PLB1: variants seen among roughly 807,000 people sequenced by gnomAD.
PLB1 encodes phospholipase B1, also known as phospholipase B1, membrane-associated.
PLB1 carries 242 observed loss-of-function variants against 227.4 expected under a neutral mutation model. The ratio of observed to expected loss-of-function variants is 1.06; its 90% CI spans 0.96 to 1.18. The LOEUF (loss-of-function observed/expected upper bound fraction) is 1.18, where lower values mean the gene tolerates loss of function less well. Ranked by LOEUF, PLB1 falls within the 50% of genes most tolerant of loss-of-function variation. PLB1 has a pLI of 0.00. For synonymous variants in PLB1, 757 were observed against 682.2 expected (o/e 1.11, Z -1.71); for missense variants, 1,858 against 1,816.3 (o/e 1.02, Z -0.42).
Position 28,614,036 on chromosome 2 carries a change from G to A in PLB1, c.3135G>A (p.Glu1045=). Residue 1045 remains glutamate, a synonymous_variant, in exon 44 of 58, where the codon GAG becomes GAA. Transcript: ENST00000327757. ...EMPITCPTQN[E]PFLRTPRNSN... is the part of the protein sequence containing the mutation. ...TGTGTTTTTTTTTCTCTTAGAATGA[G>A]CCCTTCCTGAGAACCCCTCGGAATA... 4 of 1,611,828 alleles carry A rather than the reference G, an allele frequency of 2.5e-6. No individual in the cohort carries two copies. In the Middle Eastern group the frequency reaches 5.0e-4, roughly 200 times the overall value.
intron 52 of PLB1, 151 bp downstream of exon 52, chr2:28,628,779 C>T (rs1460851250): frequency 1.3e-6 from 1 of 795,810 alleles, no homozygotes; most frequent in Non-Finnish European, 2.1e-6. Context: ...TCAAGCTCCT[C>T]TGCAGGGAAA....
rs1203636842 is a variant in PLB1 at position 28,641,062 on chromosome 2, C to T, written c.4173+61C>T. On this transcript the variant is annotated intron_variant, in intron 57 of 57. Coordinates refer to ENST00000327757, the MANE Select transcript of PLB1 (RefSeq NM_153021.5). Reference sequence around the variant, plus strand: ...ATGCCTGGGGTGGGGGTTGTCCTGTCCCCTGGAAGCACAGAGGAGTCCCCG... The same window carrying T: ...ATGCCTGGGGTGGGGGTTGTCCTGTTCCCTGGAAGCACAGAGGAGTCCCCG... The T allele has an allele frequency of 2.1e-5, 31 of 1,511,034 alleles. No individual in the cohort carries two copies. In the Admixed American group the frequency reaches 5.0e-4, roughly 24 times the overall value. The allele number at this position is 1,511,034 out of a possible 1,614,324, so 93.6% of individuals were successfully genotyped here.
intron 17 of PLB1, among the ~76,000 whole-genome samples, chr2:28,561,907 T>C (rs2338441): frequency 0.91 from 138,869 of 152,238 alleles, 63,692 homozygotes; most frequent in East Asian, 0.99. Flanking sequence ...AAAAATAAAA[T>C]GAATGTATTG....
Position 28,591,722 on chromosome 2 carries a change from G to A in PLB1, c.2150G>A (p.Cys717Tyr), listed in dbSNP as rs568655574. The A allele has an allele frequency of 3.1e-6, 5 of 1,613,982 alleles. No individual in the cohort carries two copies. The South Asian group carries it at 5.5e-5, about 18-fold the overall frequency. ...TAGGGTCATGGGACCTGGCTGCCAT[G>A]CAGGGACAGAGCCCCTTCTGCCTTG... is the stretch of plus-strand genomic sequence containing the variant. ...SMQGHGTWLP[C>Y]RDRAPSALHP... is the part of the protein sequence containing the mutation. Residue 717 changes from cysteine to tyrosine, a missense_variant, in exon 31 of 58, where the codon TGC becomes TAC. Physicochemically the swap from Cys to Tyr is radical, Grantham distance 194. Coordinates refer to ENST00000327757, the MANE Select transcript of PLB1 (RefSeq NM_153021.5).
chr2:28,600,766 G>A, intron 35 of PLB1, 43 bp from the exon 36 acceptor site: 1 of 1,596,012 alleles, frequency 6.3e-7, no homozygotes, highest in Non-Finnish European at 8.6e-7. Context: ...AAAACTATGG[G>A]CACTGTTCCT....
At chr2:28,621,106 C>T (rs1686996557) in intron 49 of PLB1, 128 bp downstream of exon 49, 1 of 712,568 alleles carries the variant, frequency 1.4e-6, no homozygotes, top group Non-Finnish European at 2.4e-6. Context: ...GCAGGACTTT[C>T]TATGTGAATT....
At chr2:28,514,058 T>C in intron 1 of PLB1, among the ~76,000 whole-genome samples, 1 of 152,342 alleles carries the variant, frequency 6.6e-6, no homozygotes, top group South Asian at 2.1e-4. Context: ...TAAAACTTAA[T>C]AGTAGAGTGC....
At chr2:28,614,653 G>A (rs1291119612) in intron 44 of PLB1, among the ~76,000 whole-genome samples, 2 of 152,156 alleles carry the variant, frequency 1.3e-5, no homozygotes, top group African/African-American at 4.8e-5. Flanking sequence ...GGAGGACCCC[G>A]GACTATACCA....
chr2:28,574,600 T>C (rs540868573), intron 21 of PLB1, among the ~76,000 whole-genome samples: 1 of 150,304 alleles, frequency 6.7e-6, no homozygotes, highest in African/African-American at 2.5e-5. Flanking sequence ...TTTCACCATG[T>C]TGGCCAGGCT....
rs754571265 is a variant in PLB1, at chr2:28,582,052, C to T, written c.1567-16C>T. The stretch of plus-strand genomic sequence containing the variant: ...GGTGACAAATGGTGTTCAAGGGACA[C>T]TTCCTCTTCCTGCAGGTCCACTATT... On this transcript the variant is annotated splice_polypyrimidine_tract_variant and intron_variant, in intron 23 of 57. Transcript: ENST00000327757. The T allele has an allele frequency of 1.9e-6, 3 of 1,609,532 alleles. No homozygotes were observed. The highest frequency in any genetic ancestry group is 2.6e-6 in the Non-Finnish European group (3 of 1,175,874).
chr2:28,620,369 C>T (rs374728347), intron 47 of PLB1, 37 bp downstream of exon 47: 2 of 1,543,576 alleles, frequency 1.3e-6, no homozygotes, highest in Non-Finnish European at 1.8e-6. Flanking sequence ...ATTGATGATG[C>T]TCTCTCAGAG....
chr2:28,590,198 G>A lies in PLB1; in HGVS notation c.2088+122G>A, dbSNP rs979859790. The A allele has an allele frequency of 1.3e-5, 11 of 845,968 alleles. No individual in the cohort carries two copies. In the Admixed American group the frequency reaches 1.6e-4, roughly 12 times the overall value. The allele number at this position is 845,968 out of a possible 1,614,324, so 52.4% of individuals were successfully genotyped here. ...CACCCACCCCATTTTATACTCCAGGGTTAACTGCCCCAAATGCCCCATCTG... is the reference window on the plus strand; with the variant it reads ...CACCCACCCCATTTTATACTCCAGGATTAACTGCCCCAAATGCCCCATCTG... On this transcript the variant is annotated intron_variant, in intron 29 of 57. Coordinates refer to ENST00000327757, the MANE Select transcript of PLB1 (RefSeq NM_153021.5).
intron 4 of PLB1, 43 bp downstream of exon 4, chr2:28,519,806 A>C (rs1669277725): frequency 6.6e-7 from 1 of 1,523,358 alleles, no homozygotes; most frequent in South Asian, 1.1e-5. Context: ...AGAGTTTGGT[A>C]CTGATGATCC....
chr2:28,629,295 G>A (rs1415386348), intron 53 of PLB1, 110 bp downstream of exon 53: 17 of 908,770 alleles, frequency 1.9e-5, no homozygotes, highest in Non-Finnish European at 2.7e-5. Context: ...CTGCCAGAGG[G>A]TAGACATGGC....
chr2:28,559,044 TACAG>T (rs1367912903), intron 17 of PLB1, among the ~76,000 whole-genome samples: 3 of 152,240 alleles, frequency 2.0e-5, no homozygotes, highest in South Asian at 2.1e-4. Flanking sequence ...TTTAATTTTT[TACAG>T]ACAGTCTCAC....
At chr2:28,628,509 A>G in intron 51 of PLB1, 54 bp from the exon 52 acceptor site, 1 of 1,534,262 alleles carries the variant, frequency 6.5e-7, no homozygotes, top group Non-Finnish European at 9.0e-7. Context: ...TGCTCTTGCC[A>G]TTCTCTCAGA....
chr2:28,516,897 G>A (rs771947451), intron 2 of PLB1, 28 bp downstream of exon 2: 48 of 1,605,168 alleles, frequency 3.0e-5, no homozygotes, highest in Middle Eastern at 3.3e-4. Context: ...TGGGAGGTGC[G>A]TGTGTATGGA....
At chr2:28,582,359 G>A in intron 24 of PLB1, 46 bp from the exon 25 acceptor site, 4 of 1,554,614 alleles carry the variant, frequency 2.6e-6, no homozygotes, top group Non-Finnish European at 8.8e-7. Context: ...GAGGTGAAAG[G>A]CTGCCCAGCC....
intron 20 of PLB1, among the ~76,000 whole-genome samples, chr2:28,572,075 A>G (rs1678108770): frequency 6.6e-6 from 1 of 152,234 alleles, no homozygotes; most frequent in South Asian, 2.1e-4. Context: ...ACTCAAAAAG[A>G]TAACCCAGTT....
Sources: gnomAD v4.1 joint callset for allele counts (sites outside exome capture counted in the v4.1 genomes callset) on GRCh38, gnomAD v4.1.1 for gene constraint, MANE v1.5 for transcripts, NCBI Gene and HGNC (gene_info 2026-07-23, HGNC 2026-07-21) for gene names.